The following NSMCE4A variants were observed in gnomAD, a reference collection of about 807,000 sequenced individuals.
NSMCE4A encodes the protein non-structural maintenance of chromosomes element 4 homolog A.
Under a neutral mutation model 47.9 loss-of-function variants are expected in NSMCE4A, and 40 were observed. The observed-to-expected ratio is 0.83, with a 90% CI of 0.65 to 1.09. NSMCE4A has a LOEUF of 1.09. Among genes scored for constraint, NSMCE4A ranks in the 50% least tolerant of loss-of-function variants. The probability of loss-of-function intolerance (pLI) is 0.00; values close to 1 mark genes in which losing one functional copy is unlikely to be tolerated. For synonymous variants in NSMCE4A, 166 were observed against 178.5 expected (o/e 0.93, Z 0.56); for missense variants, 500 against 507.0 (o/e 0.99, Z 0.13).
intron 10 of NSMCE4A, among the ~76,000 whole-genome samples, chr10:121,958,799 C>T (rs1952445109): frequency 2.0e-5 from 3 of 151,514 alleles, no homozygotes; most frequent in African/African-American, 7.3e-5. Flanking sequence ...AAGAACAATC[C>T]TGCACTGCTT....
intron 10 of NSMCE4A, 105 bp downstream of exon 10, chr10:121,959,219 C>CA: frequency 1.1e-6 from 1 of 918,316 alleles, no homozygotes; most frequent in Non-Finnish European, 1.8e-6. Flanking sequence ...TGGGGCACTA[C>CA]AGGGAGGCAA....
Position 121,966,584 on chromosome 10 carries a change from C to G in NSMCE4A, c.653+1071G>C, listed in dbSNP as rs894659462. 1.8e-4 allele frequency: 27 copies of G among 152,290 alleles called. No individual in the cohort carries two copies. The East Asian group carries it at 5.2e-3, about 29-fold the overall frequency. The allele number at this position is 152,290 out of a possible 1,614,324, so 9.4% of individuals were successfully genotyped here. A position where few individuals can be genotyped will look rare whatever the true frequency, so the allele number is the denominator to read the frequency against. On this transcript the variant is annotated intron_variant, in intron 4 of 10. Transcript: ENST00000369023. ...CCTGAAGTCTTATTAAAAATAGATG[C>G]CAGACCCCACACCACACTACTACAT...
chr10:121,962,090 A>G (rs1263581870), intron 6 of NSMCE4A: 1 of 383,860 alleles, frequency 2.6e-6, no homozygotes, highest in Non-Finnish European at 5.0e-6. Context: ...AGTCTGGGCG[A>G]AAGAGTGAGA....
chr10:121,963,288 TTC>T lies in NSMCE4A; in HGVS notation c.792_793del (p.Lys265ArgfsTer18). On this transcript the variant is annotated frameshift_variant, in exon 6 of 11. Coordinates refer to ENST00000369023, the MANE Select transcript of NSMCE4A (RefSeq NM_017615.3). LOFTEE classifies it high-confidence loss of function. ...CAATCCCAAGATTCTTTCTACTTCTTTCTCTGTTGCTTCTTGATGAGATTCTT... is the reference window on the plus strand; with the variant it reads ...CAATCCCAAGATTCTTTCTACTTCTTTCTGTTGCTTCTTGATGAGATTCTT... 6.2e-7 allele frequency: 1 copy of T among 1,612,454 alleles called. No individual in the cohort carries two copies. The highest frequency in any genetic ancestry group is 8.5e-7 in the Non-Finnish European group (1 of 1,178,978).
chr10:121,970,476 G>GAAAAAAAAAA (rs57421744), intron 3 of NSMCE4A, among the ~76,000 whole-genome samples: 1 of 101,904 alleles, frequency 9.8e-6, no homozygotes, highest in Non-Finnish European at 1.9e-5. Context: ...TGTCTCAAAG[G>GAAAAAAAAAA]AAAAAAAAAA....
intron 2 of NSMCE4A, among the ~76,000 whole-genome samples, chr10:121,973,786 C>T (rs1952763065): frequency 6.6e-6 from 1 of 152,212 alleles, no homozygotes; most frequent in African/African-American, 2.4e-5. Context: ...GGGGGCTTAA[C>T]ACAGACTGCG....
chr10:121,974,859 G>A lies in NSMCE4A; in HGVS notation c.292+15C>T. The A allele has an allele frequency of 6.9e-7, 1 of 1,458,454 alleles. No homozygotes were observed. The highest frequency in any genetic ancestry group is 9.0e-7 in the Non-Finnish European group (1 of 1,105,734). 90.3% of individuals were successfully genotyped at this position (1,458,454 alleles called of 1,614,324 possible). The stretch of plus-strand genomic sequence containing the variant: ...GGCCCGTCCGGGCCCGCGCCGCCCG[G>A]AGGCGCCGCCTTACGTTGGACGGAG... On this transcript the variant is annotated intron_variant, in intron 1 of 10. Transcript: ENST00000369023.
At chr10:121,971,144 C>G (rs1952700930) in intron 2 of NSMCE4A, 75 bp from the exon 3 acceptor site, 2 of 1,284,184 alleles carry the variant, frequency 1.6e-6, no homozygotes, top group Non-Finnish European at 2.1e-6. Flanking sequence ...ACATTTCCAA[C>G]TACTTACCAG....
chr10:121,974,394 A>G (rs1590796263), intron 1 of NSMCE4A: 1 of 1,069,778 alleles, frequency 9.3e-7, no homozygotes, highest in Non-Finnish European at 1.1e-6. Flanking sequence ...ACACACCATC[A>G]CCTGGAGGGC....
At position 121,962,828 on chromosome 10, in the gene NSMCE4A, T is replaced by C. The variant is rs140200403; in HGVS notation, c.844+410A>G. ...GGTTTCTCCATGTTGGTCAGGCGGG[T>C]ATCGAACTCCCAACCTCAGCCTCCC... On this transcript the variant is annotated intron_variant, in intron 6 of 10. Coordinates refer to ENST00000369023, the MANE Select transcript of NSMCE4A (RefSeq NM_017615.3). 4.6e-5 allele frequency among the ~76,000 whole-genome samples: 7 copies of C among 152,122 alleles called. No homozygotes were observed. The East Asian group carries it at 1.4e-3, about 30-fold the overall frequency.
chr10:121,965,587 G>A (rs1952592249), intron 4 of NSMCE4A, among the ~76,000 whole-genome samples: 1 of 152,096 alleles, frequency 6.6e-6, no homozygotes, highest in South Asian at 2.1e-4. Flanking sequence ...GAACTCCTAG[G>A]AGCTTTACTC....
At chr10:121,965,513 A>G in intron 4 of NSMCE4A, 128 bp from the exon 5 acceptor site, 1 of 663,170 alleles carries the variant, frequency 1.5e-6, no homozygotes, top group South Asian at 2.0e-5. Flanking sequence ...ATACAAGCTG[A>G]CATCAGAGTA....
intron 7 of NSMCE4A, among the ~76,000 whole-genome samples, chr10:121,961,097 TC>T (rs1348501806): frequency 2.0e-5 from 3 of 152,204 alleles, no homozygotes; most frequent in Non-Finnish European, 4.4e-5. Flanking sequence ...AGTGTGTATT[TC>T]TTGAGAACAA....
intron 3 of NSMCE4A, among the ~76,000 whole-genome samples, chr10:121,968,890 G>A (rs1590788116): frequency 6.6e-6 from 1 of 152,164 alleles, no homozygotes; most frequent in Non-Finnish European, 1.5e-5. Context: ...GTTTTGGTCT[G>A]TTTAACTGAC....
intron 2 of NSMCE4A, among the ~76,000 whole-genome samples, chr10:121,973,496 T>G (rs1324214114): frequency 6.6e-6 from 1 of 151,160 alleles, no homozygotes; most frequent in Non-Finnish European, 1.5e-5. Flanking sequence ...GGGATCTCTC[T>G]CACTCACTCA....
chr10:121,975,148 G>A lies in NSMCE4A; in HGVS notation c.18C>T (p.Ser6=), dbSNP rs1018799267. 1.9e-5 allele frequency: 26 copies of A among 1,403,386 alleles called. No homozygotes were observed. In the Admixed American group the frequency reaches 7.2e-4, roughly 39 times the overall value. The allele number at this position is 1,403,386 out of a possible 1,614,324, so 86.9% of individuals were successfully genotyped here. A position where few individuals can be genotyped will look rare whatever the true frequency, so the allele number is the denominator to read the frequency against. ...GGCCCCGGCCCTCTGGCCCGCGGCCGCTGCTGTCCCCAGACATAGCGCCAA... is the reference window on the plus strand; with the variant it reads ...GGCCCCGGCCCTCTGGCCCGCGGCCACTGCTGTCCCCAGACATAGCGCCAA... MSGDS[S]GRGPEGRGRG... The change falls in exon 1 of 11, where the codon AGC becomes AGT. Residue 6 remains serine (S), a synonymous_variant. Coordinates refer to ENST00000369023, the MANE Select transcript of NSMCE4A (RefSeq NM_017615.3).
intron 3 of NSMCE4A, among the ~76,000 whole-genome samples, chr10:121,970,135 A>G (rs1467086745): frequency 2.0e-5 from 3 of 152,162 alleles, no homozygotes; most frequent in Non-Finnish European, 4.4e-5. Flanking sequence ...CACTATTCAA[A>G]CTTGTCAAGA....
chr10:121,971,012 A>T lies in NSMCE4A; in HGVS notation c.428T>A (p.Leu143Ter). 2 of 1,614,102 alleles carry T rather than the reference A, an allele frequency of 1.2e-6. No individual in the cohort carries two copies. Among genetic ancestry groups the T allele is most frequent in the Non-Finnish European group, 1.7e-6 (2 of 1,179,970 alleles). ...CAGCTGCTTTGCTTTCTCTTTGCCCAAATCTGAAGCCAAAACAAGAAAGTG... is the reference window on the plus strand; with the variant it reads ...CAGCTGCTTTGCTTTCTCTTTGCCCTAATCTGAAGCCAAAACAAGAAAGTG... Reference protein sequence around the residue: ...DAHFLVLASDLGKEKAKQLRS... With the variant: ...DAHFLVLASD The change falls in exon 3 of 11, where the codon TTG becomes TAG. Residue 143 changes from leucine to a stop codon, truncating the protein, a stop_gained. Coordinates refer to ENST00000369023, the MANE Select transcript of NSMCE4A (RefSeq NM_017615.3). LOFTEE classifies it high-confidence loss of function.
chr10:121,966,358 CAG>C (rs1330996867), intron 4 of NSMCE4A: 1 of 152,162 alleles, frequency 6.6e-6, no homozygotes. Flanking sequence ...TACAAAGACA[CAG>C]AGTTTTAAGT....
Sources: allele counts gnomAD v4.1 joint callset (sites outside exome capture counted in the v4.1 genomes callset), GRCh38; gene constraint gnomAD v4.1.1; transcripts MANE v1.5; gene names NCBI Gene and HGNC (gene_info 2026-07-23, HGNC 2026-07-21).